Variants in PIK3CA observed in about 807,000 individuals in gnomAD.
PIK3CA encodes the protein phosphatidylinositol-4,5-bisphosphate 3-kinase catalytic subunit alpha, also known as phosphatidylinositol 4,5-bisphosphate 3-kinase catalytic subunit alpha isoform.
PIK3CA carries 27 observed loss-of-function variants against 138.2 expected under a neutral mutation model. That is an observed-to-expected ratio of 0.20 (90% CI 0.14 to 0.27). PIK3CA has a LOEUF of 0.27. Among genes scored for constraint, PIK3CA ranks in the 10% least tolerant of loss-of-function variants. The pLI is 1.00. For missense variants in PIK3CA, 544 were observed against 1,277.4 expected (o/e 0.43, Z 8.75); for synonymous variants, 358 against 413.2 (o/e 0.87, Z 1.62).
chr3:179,189,106 C>T (rs538813529), intron 1 of PIK3CA, among the ~76,000 whole-genome samples: 5 of 151,910 alleles, frequency 3.3e-5, no homozygotes, highest in Non-Finnish European at 5.9e-5. Flanking sequence ...CCCAGCTACT[C>T]GGGAGGCTGA....
intron 20 of PIK3CA, among the ~76,000 whole-genome samples, chr3:179,231,534 A>G (rs1725210661): frequency 2.2e-5 from 3 of 139,478 alleles, no homozygotes; most frequent in Non-Finnish European, 4.7e-5. Flanking sequence ...TTTAATTTGC[A>G]TTTCCCTGAT....
intron 1 of PIK3CA, among the ~76,000 whole-genome samples, chr3:179,196,986 T>C (rs561862966): frequency 6.6e-6 from 1 of 152,168 alleles, no homozygotes; most frequent in Non-Finnish European, 1.5e-5. Context: ...GAGTCAGGGA[T>C]GGCAGGTTTC....
chr3:179,217,152 T>G (rs1207710100), intron 9 of PIK3CA, among the ~76,000 whole-genome samples: 1 of 152,162 alleles, frequency 6.6e-6, no homozygotes, highest in Non-Finnish European at 1.5e-5. Flanking sequence ...GAGGAAGGCT[T>G]GCAGTGTTTT....
chr3:179,171,629 G>T (rs1252416178), intron 1 of PIK3CA, among the ~76,000 whole-genome samples: 18 of 152,044 alleles, frequency 1.2e-4, no homozygotes, highest in Admixed American at 1.2e-3. Flanking sequence ...CAACCAATTT[G>T]GCAACTTAGA....
At chr3:179,197,558 C>T (rs951403964) in intron 1 of PIK3CA, among the ~76,000 whole-genome samples, 2 of 152,172 alleles carry the variant, frequency 1.3e-5, no homozygotes, top group Non-Finnish European at 2.9e-5. Flanking sequence ...CTATCTTATT[C>T]GTCATTAGAT....
chr3:179,226,028 GT>G lies in PIK3CA; in HGVS notation c.2484del (p.Asp830IlefsTer37). The G allele has an allele frequency of 6.3e-7, 1 of 1,587,686 alleles. No homozygotes were observed. Among genetic ancestry groups the G allele is most frequent in the Non-Finnish European group, 8.6e-7 (1 of 1,157,508 alleles). ...ATGGAAAATATCTGGCAAAATCAAG[GT>G]CTTGATCTTCGGTAGGTAACCAGTA... ...RIMENIWQNQ[G>X]LDLRMLPYGC... is the part of the protein sequence containing the mutation. On this transcript the variant is annotated frameshift_variant, in exon 17 of 21. Coordinates refer to ENST00000263967, the MANE Select transcript of PIK3CA (RefSeq NM_006218.4). LOFTEE classifies it high-confidence loss of function.
At chr3:179,189,572 C>T (rs1724075834) in intron 1 of PIK3CA, among the ~76,000 whole-genome samples, 1 of 151,926 alleles carries the variant, frequency 6.6e-6, no homozygotes, top group African/African-American at 2.4e-5. Context: ...TCACCTAAGC[C>T]TTGATTATTT....
At chr3:179,148,690 G>C (rs900585787) in intron 1 of PIK3CA, 87 bp downstream of exon 1, 1 of 152,206 alleles carries the variant, frequency 6.6e-6, no homozygotes, top group Non-Finnish European at 1.5e-5. Flanking sequence ...CGCCCGCCGT[G>C]TTGGGCGGAG....
At chr3:179,177,215 A>G (rs572640841) in intron 1 of PIK3CA, among the ~76,000 whole-genome samples, 3 of 151,518 alleles carry the variant, frequency 2.0e-5, no homozygotes, top group African/African-American at 7.3e-5. Flanking sequence ...GGTTTATGGT[A>G]CTTTTGATAG....
chr3:179,204,644 G>A (rs1724510557), intron 6 of PIK3CA, 56 bp downstream of exon 6: 1 of 804,424 alleles, frequency 1.2e-6, no homozygotes, highest in Non-Finnish European at 2.1e-6. Context: ...TTAGCAGTAT[G>A]ATCCATAAAA....
chr3:179,175,995 T>C (rs1723688681), intron 1 of PIK3CA, among the ~76,000 whole-genome samples: 1 of 152,182 alleles, frequency 6.6e-6, no homozygotes, highest in Non-Finnish European at 1.5e-5. Context: ...CTGTAGGAAA[T>C]CTTCATATCA....
At chr3:179,149,635 T>C (rs1186851146) in intron 1 of PIK3CA, 1 of 152,272 alleles carries the variant, frequency 6.6e-6, no homozygotes, top group Non-Finnish European at 1.5e-5. Flanking sequence ...TGCGCCTTTG[T>C]GCACATGCAG....
At chr3:179,154,692 AAAT>A (rs768354383) in intron 1 of PIK3CA, among the ~76,000 whole-genome samples, 1 of 152,230 alleles carries the variant, frequency 6.6e-6, no homozygotes, top group Non-Finnish European at 1.5e-5. Flanking sequence ...GAGATAATTC[AAAT>A]AATCACAAGT....
chr3:179,159,971 T>C (rs1245382041), intron 1 of PIK3CA, among the ~76,000 whole-genome samples: 3 of 152,100 alleles, frequency 2.0e-5, no homozygotes, highest in African/African-American at 7.2e-5. Context: ...TTAAAAATGG[T>C]ATGCATGTAT....
intron 1 of PIK3CA, among the ~76,000 whole-genome samples, chr3:179,163,202 AC>A (rs1260847901): frequency 1.6e-4 from 25 of 152,354 alleles, no homozygotes; most frequent in Admixed American, 1.2e-3. Flanking sequence ...ATTTCATCTT[AC>A]ATACCAAAAT....
intron 1 of PIK3CA, among the ~76,000 whole-genome samples, chr3:179,155,749 C>G (rs760608097): frequency 6.6e-6 from 1 of 152,032 alleles, no homozygotes; most frequent in Non-Finnish European, 1.5e-5. Context: ...CCATAGATAC[C>G]AAGGGATAAC....
intron 9 of PIK3CA, among the ~76,000 whole-genome samples, chr3:179,216,258 A>G (rs1203653938): frequency 6.6e-6 from 1 of 152,224 alleles, no homozygotes. Context: ...ATTTCTAAAG[A>G]CAAAAAGGAA....
intron 1 of PIK3CA, among the ~76,000 whole-genome samples, chr3:179,175,545 C>T (rs1209678272): frequency 6.6e-6 from 1 of 151,806 alleles, no homozygotes; most frequent in African/African-American, 2.4e-5. Context: ...TTTGGTAGTT[C>T]CCTCTCCTTT....
chr3:179,182,667 TCTCAAAAAAAAAGGGTAATATTCTA>T (rs1156721082), intron 1 of PIK3CA, among the ~76,000 whole-genome samples: 4 of 151,484 alleles, frequency 2.6e-5, no homozygotes, highest in Non-Finnish European at 5.9e-5. Flanking sequence ...AGAGACCCTG[TCTCAAAAAAAAAGGGTAATATTCTA>T]CTCACTGATC....
Sources: allele counts gnomAD v4.1 joint callset (sites outside exome capture counted in the v4.1 genomes callset), GRCh38; gene constraint gnomAD v4.1.1; transcripts MANE v1.5; gene names NCBI Gene and HGNC (gene_info 2026-07-23, HGNC 2026-07-21).